LRP2BP: variants seen among roughly 807,000 people sequenced by gnomAD.
The protein encoded by LRP2BP is LRP2 binding protein.
In LRP2BP, 38 loss-of-function variants were observed where a neutral mutation model predicts 45.2. The ratio of observed to expected loss-of-function variants is 0.84; its 90% CI spans 0.65 to 1.10. The LOEUF is 1.10. Among genes scored for constraint, LRP2BP ranks in the 50% least tolerant of loss-of-function variants. The pLI is 0.00. For missense variants in LRP2BP, 385 were observed against 418.9 expected (o/e 0.92, Z 0.71); for synonymous variants, 153 against 153.9 (o/e 0.99, Z 0.04).
chr4:185,379,030 T>C, intron 1 of LRP2BP: 2 of 953,568 alleles, frequency 2.1e-6, no homozygotes, highest in South Asian at 9.7e-5. Context: ...TAAGTGAGAA[T>C]GAAGTGCAGA....
At chr4:185,370,887 A>T in intron 7 of LRP2BP, 73 bp from the exon 8 acceptor site, 1 of 1,496,856 alleles carries the variant, frequency 6.7e-7, no homozygotes, top group Non-Finnish European at 9.3e-7. Flanking sequence ...ATGCGCCTAG[A>T]GACTGTCCTT....
intron 7 of LRP2BP, among the ~76,000 whole-genome samples, chr4:185,372,603 A>G (rs140904325): frequency 3.6e-4 from 55 of 152,328 alleles, no homozygotes; most frequent in African/African-American, 1.3e-3. Flanking sequence ...GTGTGATCGT[A>G]TCAAGAGGTG....
At chr4:185,396,007 C>T (rs1260984246), upstream of LRP2BP, 5 of 694,542 alleles carry the variant, frequency 7.2e-6, no homozygotes, top group South Asian at 6.5e-5. Context: ...CCGACAGCAC[C>T]CGCGGGGCCG....
At chr4:185,385,782 T>A (rs1453851251) in intron 1 of LRP2BP, among the ~76,000 whole-genome samples, 1 of 151,862 alleles carries the variant, frequency 6.6e-6, no homozygotes, top group African/African-American at 2.4e-5. Flanking sequence ...GCGCCTGTAA[T>A]CCCAGCTACT....
chr4:185,375,363 G>GGATTTTATACT (rs2095429666), intron 4 of LRP2BP, among the ~76,000 whole-genome samples: 1 of 141,370 alleles, frequency 7.1e-6, no homozygotes, highest in South Asian at 2.3e-4. Context: ...GGCTGAGGCA[G>GGATTTTATACT]AAGAATCACT....
At chr4:185,396,913 T>G, upstream of LRP2BP, 1 of 1,613,460 alleles carries the variant, frequency 6.2e-7, no homozygotes, top group Non-Finnish European at 8.5e-7. Flanking sequence ...GTCATCTGCC[T>G]TAGGCGGGAA....
At chr4:185,384,334 C>T (rs758006125) in intron 1 of LRP2BP, among the ~76,000 whole-genome samples, 10 of 152,062 alleles carry the variant, frequency 6.6e-5, no homozygotes, top group Non-Finnish European at 1.0e-4. Context: ...AAATCAATTT[C>T]GATTGTTTAT....
intron 1 of LRP2BP, among the ~76,000 whole-genome samples, chr4:185,381,452 T>C (rs567437706): frequency 1.3e-5 from 2 of 152,326 alleles, no homozygotes; most frequent in South Asian, 2.1e-4. Context: ...TCAATGACTA[T>C]GCATAGTCAG....
intron 1 of LRP2BP, among the ~76,000 whole-genome samples, chr4:185,389,142 G>A (rs1244861304): frequency 6.6e-6 from 1 of 151,832 alleles, no homozygotes; most frequent in Non-Finnish European, 1.5e-5. Context: ...GCCTCCCAAA[G>A]TGCTGAGATT....
rs533399556 is a variant in LRP2BP at position 185,366,708 on chromosome 4, A to C, written c.*472T>G. 1.5e-4 allele frequency: 23 copies of C among 152,314 alleles called. 1 individual carries two copies. Among genetic ancestry groups the C allele is most frequent in the Admixed American group, 1.4e-3 (22 of 15,294 alleles). The allele number at this position is 152,314 out of a possible 1,614,324, so 9.4% of individuals were successfully genotyped here. On this transcript the variant is annotated 3_prime_UTR_variant, in exon 9 of 9. Transcript: ENST00000505916. The stretch of plus-strand genomic sequence containing the variant: ...TTTTTAAAATTTTAAATGACTGAAA[A>C]TTTAAATTTTAAATGACTGAAACAA...
At chr4:185,377,250 G>T (rs2095441186) in intron 2 of LRP2BP, 2 of 443,568 alleles carry the variant, frequency 4.5e-6, no homozygotes, top group South Asian at 5.9e-5. Context: ...GGGCGCGGTG[G>T]CTCACGCCTG....
chr4:185,374,552 C>T (rs2095426853), intron 4 of LRP2BP, 91 bp from the exon 5 acceptor site: 2 of 1,348,524 alleles, frequency 1.5e-6, no homozygotes, highest in African/African-American at 1.4e-5. Flanking sequence ...AGTGTCCGCC[C>T]TCTGACACGA....
At chr4:185,384,470 T>G (rs2095464577) in intron 1 of LRP2BP, among the ~76,000 whole-genome samples, 1 of 152,100 alleles carries the variant, frequency 6.6e-6, no homozygotes, top group Admixed American at 6.6e-5. Flanking sequence ...TGTTTAAAGT[T>G]TCTGGGTTTT....
chr4:185,394,250 T>C (rs190616437), intron 1 of LRP2BP, among the ~76,000 whole-genome samples: 111 of 128,142 alleles, frequency 8.7e-4, no homozygotes, highest in African/African-American at 3.2e-3. Flanking sequence ...GACAGCGAGA[T>C]TGTGTTTCAG....
At position 185,370,667 on chromosome 4, in the gene LRP2BP, T is replaced by A; in HGVS notation, c.951A>T (p.Glu317Asp). ...TAGAATAATAGTGTTTAGCGGTTGTTTCATCCCTGGTGATGCCCAAGCCAA... is the reference window on the plus strand; with the variant it reads ...TAGAATAATAGTGTTTAGCGGTTGTATCATCCCTGGTGATGCCCAAGCCAA... The part of the protein sequence containing the change: ...LQLGLGITRD[E>D]TTAKHYYSKA... The change falls in exon 8 of 9, where the codon GAA becomes GAT. Residue 317 changes from glutamate to aspartate, a missense_variant. By Grantham distance (45) the Glu-to-Asp change is conservative (BLOSUM62 2). Coordinates refer to ENST00000505916, the MANE Select transcript of LRP2BP (RefSeq NM_001377440.1). The A allele has an allele frequency of 6.2e-7, 1 of 1,614,094 alleles. No individual in the cohort carries two copies. Among genetic ancestry groups the A allele is most frequent in the South Asian group, 1.1e-5 (1 of 91,082 alleles).
At chr4:185,391,123 A>G (rs2095487242) in intron 1 of LRP2BP, among the ~76,000 whole-genome samples, 1 of 152,242 alleles carries the variant, frequency 6.6e-6, no homozygotes, top group Non-Finnish European at 1.5e-5. Flanking sequence ...TTTGAGGAAT[A>G]CTAGCCGTGT....
chr4:185,387,503 G>A (rs139614378), intron 1 of LRP2BP, among the ~76,000 whole-genome samples: 6 of 152,284 alleles, frequency 3.9e-5, no homozygotes, highest in African/African-American at 1.4e-4. Context: ...ACTAAATACA[G>A]TCTCAGGCGT....
At position 185,374,348 on chromosome 4, in the gene LRP2BP, A is replaced by G. The variant is rs888594328; in HGVS notation, c.444T>C (p.Gly148=). ...NLGRAYYEGK[G]VKRSNEEAER... is the part of the protein sequence containing the mutation. ...CAGCTTCCTCATTTGATCGTTTAAC[A>G]CCTTTTCCTTCATAATAAGCTCTTC... Residue 148 remains glycine, a synonymous_variant, in exon 5 of 9, where the codon GGT becomes GGC. Transcript: ENST00000505916. 1.2e-6 allele frequency: 2 copies of G among 1,613,894 alleles called. No individual in the cohort carries two copies. Among genetic ancestry groups the G allele is most frequent in the East Asian group, 2.2e-5 (1 of 44,878 alleles).
intron 1 of LRP2BP, among the ~76,000 whole-genome samples, chr4:185,387,471 G>A (rs890531848): frequency 6.6e-6 from 1 of 152,172 alleles, no homozygotes; most frequent in African/African-American, 2.4e-5. Flanking sequence ...ATATAACACT[G>A]TTCACACAAA....
Sources: allele counts gnomAD v4.1 joint callset (sites outside exome capture counted in the v4.1 genomes callset), GRCh38; gene constraint gnomAD v4.1.1; transcripts MANE v1.5; gene names NCBI Gene and HGNC (gene_info 2026-07-23, HGNC 2026-07-21).